Variants in CCDC152 observed in about 807,000 individuals in gnomAD.
CCDC152 encodes the protein coiled-coil domain-containing protein 152.
Under a neutral mutation model 38.1 loss-of-function variants are expected in CCDC152, and 37 were observed. That is an observed-to-expected ratio of 0.97 (90% CI 0.75 to 1.28). CCDC152 has a LOEUF of 1.28. Ranked by LOEUF, CCDC152 falls within the 50% of genes most tolerant of loss-of-function variation. The pLI is 0.00. For missense variants in CCDC152, 259 were observed against 292.1 expected, an observed-to-expected ratio of 0.89 and a Z score of 0.83; for synonymous variants, 83 against 87.1, an observed-to-expected ratio of 0.95 and a Z score of 0.26.
intron 4 of CCDC152, among the ~76,000 whole-genome samples, chr5:42,772,850 C>G (rs1759718465): frequency 6.6e-6 from 1 of 152,146 alleles, no homozygotes; most frequent in Non-Finnish European, 1.5e-5. Context: ...CTTATTTAAG[C>G]TACCCAGTGG....
rs771862758 is a variant in CCDC152 at position 42,801,274 on chromosome 5, C to T, written c.*1493C>T. On this transcript the variant is annotated 3_prime_UTR_variant, in exon 9 of 9. Coordinates refer to ENST00000361970, the MANE Select transcript of CCDC152 (RefSeq NM_001134848.2). ...TGGTAATGAGGCGATGGAGTTTCAA[C>T]TGTTTTATCCACAGTAGCCAAAGAT... is the stretch of plus-strand genomic sequence containing the variant. The T allele has an allele frequency of 2.5e-6, 4 of 1,613,946 alleles. No individual in the cohort carries two copies. Among genetic ancestry groups the T allele is most frequent in the Admixed American group, 3.3e-5 (2 of 59,994 alleles).
chr5:42,777,488 A>C (rs1423625274), intron 4 of CCDC152, among the ~76,000 whole-genome samples: 1 of 151,796 alleles, frequency 6.6e-6, no homozygotes, highest in African/African-American at 2.4e-5. Context: ...AAGAAGAAGA[A>C]GAAGATAATA....
intron 3 of CCDC152, among the ~76,000 whole-genome samples, chr5:42,764,841 G>C (rs536029015): frequency 6.6e-6 from 1 of 152,304 alleles, no homozygotes; most frequent in South Asian, 2.1e-4. Context: ...AAAACTGAAA[G>C]CCTCTCCTCT....
At position 42,769,612 on chromosome 5, in the gene CCDC152, A is replaced by G. The variant is rs1380235758; in HGVS notation, c.209A>G (p.His70Arg). Residue 70 changes from histidine to arginine, a missense_variant, in exon 4 of 9, where the codon CAT becomes CGT. Transcript: ENST00000361970. ...VSIKEECATL[H>R]NIIKGLQQTI... ...TATATTTCAGAATGTGCTACTCTTC[A>G]TAATATAATAAAAGGGCTACAACAG... 6.7e-7 allele frequency: 1 copy of G among 1,493,680 alleles called. No homozygotes were observed. The highest frequency in any genetic ancestry group is 2.6e-5 in the East Asian group (1 of 38,570). 92.5% of individuals were successfully genotyped at this position (1,493,680 alleles called of 1,614,324 possible). A position where few individuals can be genotyped will look rare whatever the true frequency, so the allele number is the denominator to read the frequency against.
intron 6 of CCDC152, among the ~76,000 whole-genome samples, chr5:42,796,009 A>G (rs918263907): frequency 8.6e-5 from 13 of 150,724 alleles, no homozygotes; most frequent in African/African-American, 2.9e-4. Flanking sequence ...CAAACACCAC[A>G]TGTTCTCACT....
chr5:42,760,303 C>CAAAA (rs148225690), intron 2 of CCDC152, among the ~76,000 whole-genome samples: 9 of 105,800 alleles, frequency 8.5e-5, no homozygotes, highest in Admixed American at 9.9e-5. Flanking sequence ...GACTCCGTCT[C>CAAAA]AAAAAAAAAA....
At chr5:42,769,705 G>C in intron 4 of CCDC152, 40 bp downstream of exon 4, 4 of 1,453,814 alleles carry the variant, frequency 2.8e-6, no homozygotes, top group Non-Finnish European at 3.6e-6. Flanking sequence ...AAAGCATTGT[G>C]TATTTGAGCA....
intron 6 of CCDC152, among the ~76,000 whole-genome samples, chr5:42,784,525 C>G (rs913265331): frequency 2.0e-5 from 3 of 151,914 alleles, no homozygotes; most frequent in Non-Finnish European, 4.4e-5. Context: ...GGTGGATATA[C>G]GGCTTGCAAA....
chr5:42,788,832 A>G (rs1759960167), intron 6 of CCDC152, among the ~76,000 whole-genome samples: 1 of 152,188 alleles, frequency 6.6e-6, no homozygotes, highest in Non-Finnish European at 1.5e-5. Flanking sequence ...AGTTGTGCCT[A>G]CATGGTCCTG....
chr5:42,798,054 G>A (rs1269555896), intron 7 of CCDC152, among the ~76,000 whole-genome samples: 1 of 152,158 alleles, frequency 6.6e-6, no homozygotes, highest in Non-Finnish European at 1.5e-5. Flanking sequence ...AGGAGGCTGA[G>A]GCAGGAGAAT....
At chr5:42,769,694 A>C (rs920425480) in intron 4 of CCDC152, 29 bp downstream of exon 4, 20 of 1,466,818 alleles carry the variant, frequency 1.4e-5, no homozygotes, top group Non-Finnish European at 1.8e-5. Flanking sequence ...TAAAATCTAA[A>C]AAAGCATTGT....
chr5:42,799,517 A>G, intron 8 of CCDC152, 59 bp downstream of exon 8: 1 of 1,235,360 alleles, frequency 8.1e-7, no homozygotes, highest in Non-Finnish European at 1.1e-6. Flanking sequence ...GCATGTTTCT[A>G]TAAAAATCAT....
rs200364347 is a variant in CCDC152, at chr5:42,759,193, C to T, written c.72C>T (p.Phe24=). ...ATCTTGACAAACTTATAAATGACTTCTCACAGATAGAAAAGGTATGTAAAG... is the reference window on the plus strand; with the variant it reads ...ATCTTGACAAACTTATAAATGACTTTTCACAGATAGAAAAGGTATGTAAAG... The part of the protein sequence containing the change: ...SVNLDKLIND[F]SQIEKKMVET... The change falls in exon 2 of 9, where the codon TTC becomes TTT. Residue 24 remains phenylalanine, a synonymous_variant. Coordinates refer to ENST00000361970, the MANE Select transcript of CCDC152 (RefSeq NM_001134848.2). 2.7e-3 allele frequency: 4,249 copies of T among 1,545,614 alleles called. 28 individuals are homozygous for T. Among genetic ancestry groups the T allele is most frequent in the Middle Eastern group, 0.02 (117 of 5,764 alleles).
At chr5:42,792,979 T>A (rs1289697686) in intron 6 of CCDC152, among the ~76,000 whole-genome samples, 3 of 152,214 alleles carry the variant, frequency 2.0e-5, no homozygotes, top group African/African-American at 7.2e-5. Context: ...AAAGCATATG[T>A]CTACCCAAAG....
At chr5:42,794,931 A>G (rs1561280038) in intron 6 of CCDC152, among the ~76,000 whole-genome samples, 2 of 152,206 alleles carry the variant, frequency 1.3e-5, no homozygotes, top group Non-Finnish European at 2.9e-5. Context: ...ATGATTATCA[A>G]TCTAATAGAG....
At chr5:42,788,002 T>TA (rs898208221) in intron 6 of CCDC152, among the ~76,000 whole-genome samples, 61 of 152,294 alleles carry the variant, frequency 4.0e-4, no homozygotes, top group Middle Eastern at 6.8e-3. Flanking sequence ...TAGTGAGCTT[T>TA]ATAGTCTCAG....
chr5:42,801,227 A>G lies in CCDC152; in HGVS notation c.*1446A>G, dbSNP rs747209835. Reference sequence around the variant, plus strand: ...CACTGCTGCCAAGGTGCTGATGTCCATGATTGTGATGATGCTCATGATGGT... The same window carrying G: ...CACTGCTGCCAAGGTGCTGATGTCCGTGATTGTGATGATGCTCATGATGGT... On this transcript the variant is annotated 3_prime_UTR_variant, in exon 9 of 9. Transcript: ENST00000361970. 1.9e-6 allele frequency: 3 copies of G among 1,614,156 alleles called. No homozygotes were observed. Among genetic ancestry groups the G allele is most frequent in the Non-Finnish European group, 8.5e-7 (1 of 1,180,032 alleles).
intron 5 of CCDC152, among the ~76,000 whole-genome samples, chr5:42,781,549 G>GCA (rs1759845105): frequency 1.6e-5 from 1 of 62,452 alleles, no homozygotes; most frequent in African/African-American, 5.4e-5. Flanking sequence ...AAAAATGCGC[G>GCA]CGCGCGCACA....
chr5:42,762,648 T>C (rs1289232582), intron 3 of CCDC152, 100 bp downstream of exon 3: 2 of 708,574 alleles, frequency 2.8e-6, no homozygotes, highest in Non-Finnish European at 2.5e-6. Context: ...GTGTTTTAAG[T>C]CCACATAGAA....
Sources: gnomAD v4.1 joint callset for allele counts (sites outside exome capture counted in the v4.1 genomes callset) on GRCh38, gnomAD v4.1.1 for gene constraint, MANE v1.5 for transcripts, NCBI Gene and HGNC (gene_info 2026-07-23, HGNC 2026-07-21) for gene names.